Variants in UBR1 observed in about 807,000 individuals in gnomAD.
UBR1 encodes ubiquitin protein ligase E3 component n-recognin 1.
In UBR1, 102 loss-of-function variants were observed where a neutral mutation model predicts 242.1. The observed-to-expected ratio is 0.42, with a 90% CI of 0.36 to 0.50. The LOEUF is 0.50. Among genes scored for constraint, UBR1 ranks in the 20% least tolerant of loss-of-function variants. The pLI, the probability that UBR1 is intolerant of heterozygous loss-of-function variation, is 0.01. For synonymous variants in UBR1, 675 were observed against 684.8 expected, an observed-to-expected ratio of 0.99 and a Z score of 0.22; for missense variants, 1,772 against 2,101.8, an observed-to-expected ratio of 0.84 and a Z score of 3.07.
chr15:42,985,544 G>C (rs1344859611), intron 35 of UBR1, among the ~76,000 whole-genome samples: 2 of 151,944 alleles, frequency 1.3e-5, no homozygotes, highest in African/African-American at 4.8e-5. Context: ...GTAGAAACAG[G>C]GTTTCAGCAT....
chr15:43,006,779 A>C (rs1444217834), intron 30 of UBR1, among the ~76,000 whole-genome samples: 3 of 152,232 alleles, frequency 2.0e-5, no homozygotes, highest in African/African-American at 7.2e-5. Context: ...ACTATCATAA[A>C]AAAAGGAGGG....
chr15:43,099,739 T>TG (rs1358686770), intron 1 of UBR1, among the ~76,000 whole-genome samples: 1 of 152,092 alleles, frequency 6.6e-6, no homozygotes, highest in Admixed American at 6.6e-5. Flanking sequence ...CAAGCAACAG[T>TG]TCAGGCCTTC....
chr15:43,014,774 T>A (rs2032987409), intron 29 of UBR1, among the ~76,000 whole-genome samples: 1 of 145,556 alleles, frequency 6.9e-6, no homozygotes, highest in African/African-American at 2.7e-5. Flanking sequence ...AGCCACCCCG[T>A]CCGGGAGGGA....
intron 3 of UBR1, among the ~76,000 whole-genome samples, chr15:43,076,083 T>TCCTGCCTCAG (rs2033886924): frequency 2.0e-5 from 3 of 151,338 alleles, no homozygotes; most frequent in African/African-American, 7.3e-5. Flanking sequence ...CGCCTGATTC[T>TCCTGCCTCAG]CCTGCCTCAG....
intron 8 of UBR1, 98 bp downstream of exon 8, chr15:43,059,604 A>G (rs2033658687): frequency 9.4e-7 from 1 of 1,066,412 alleles, no homozygotes; most frequent in East Asian, 2.4e-5. Context: ...AAAAAAAAAA[A>G]GAAAAACTTT....
intron 44 of UBR1, among the ~76,000 whole-genome samples, chr15:42,956,469 A>C (rs1464793368): frequency 6.6e-6 from 1 of 152,026 alleles, no homozygotes; most frequent in African/African-American, 2.4e-5. Flanking sequence ...ACAGGTGCGC[A>C]CCACCACACC....
chr15:42,970,780 TG>T, intron 39 of UBR1, among the ~76,000 whole-genome samples, 173 bp from the exon 40 acceptor site: 1 of 152,126 alleles, frequency 6.6e-6, no homozygotes, highest in South Asian at 2.1e-4. Context: ...TGGAGAGCAA[TG>T]GTGCGATCTT....
intron 3 of UBR1, among the ~76,000 whole-genome samples, chr15:43,076,837 G>A (rs2033907636): frequency 9.5e-6 from 1 of 105,016 alleles, no homozygotes; most frequent in African/African-American, 3.4e-5. Context: ...GCCTCTGCCC[G>A]GCCGCCCCTA....
intron 27 of UBR1, among the ~76,000 whole-genome samples, chr15:43,017,978 G>C (rs1333941997): frequency 6.6e-6 from 1 of 150,876 alleles, no homozygotes; most frequent in Non-Finnish European, 1.5e-5. Context: ...TATCTTCGGA[G>C]ACATTTCGAC....
chr15:43,014,794 T>G (rs2032988243), intron 29 of UBR1, among the ~76,000 whole-genome samples: 2 of 135,456 alleles, frequency 1.5e-5, no homozygotes, highest in African/African-American at 2.9e-5. Context: ...AGGTGGGGGG[T>G]CAGCCCCTGC....
At chr15:43,086,527 T>C (rs2034038903) in intron 1 of UBR1, among the ~76,000 whole-genome samples, 1 of 152,092 alleles carries the variant, frequency 6.6e-6, no homozygotes, top group South Asian at 2.1e-4. Context: ...AAGGTGGTTC[T>C]ATTATCAGTC....
chr15:42,998,116 A>G, intron 33 of UBR1, 52 bp downstream of exon 33: 1 of 1,465,414 alleles, frequency 6.8e-7, no homozygotes, highest in Non-Finnish European at 9.4e-7. Flanking sequence ...TAAAAAAATA[A>G]AGATTCTGAC....
At position 42,978,026 on chromosome 15, in the gene UBR1, T is replaced by C. The variant is rs1181227734; in HGVS notation, c.4151-79A>G. 6.4e-6 allele frequency: 7 copies of C among 1,087,074 alleles called. No individual in the cohort carries two copies. The South Asian group carries it at 8.8e-5, about 14-fold the overall frequency. 67.3% of individuals were successfully genotyped at this position (1,087,074 alleles called of 1,614,324 possible). On this transcript the variant is annotated intron_variant, in intron 37 of 46. Transcript: ENST00000290650. The stretch of plus-strand genomic sequence containing the variant: ...AAATAAAATGCAAGCTAAAAACACC[T>C]AAACCAAACATATAACAGGGTTATA...
intron 30 of UBR1, among the ~76,000 whole-genome samples, chr15:43,006,119 A>G (rs2032825787): frequency 6.6e-6 from 1 of 150,898 alleles, no homozygotes; most frequent in Non-Finnish European, 1.5e-5. Flanking sequence ...AAAAAAAAAA[A>G]GAAAAGAAAA....
intron 1 of UBR1, among the ~76,000 whole-genome samples, chr15:43,091,659 C>G (rs2034106547): frequency 1.3e-5 from 2 of 151,928 alleles, no homozygotes; most frequent in Non-Finnish European, 2.9e-5. Flanking sequence ...AACATCATGG[C>G]TGGGCATGGT....
intron 21 of UBR1, among the ~76,000 whole-genome samples, chr15:43,028,410 T>C (rs1171488803): frequency 6.6e-6 from 1 of 152,102 alleles, no homozygotes; most frequent in Non-Finnish European, 1.5e-5. Context: ...GCTCACAGAT[T>C]CCTGTAGGCT....
intron 46 of UBR1, among the ~76,000 whole-genome samples, chr15:42,947,814 G>A (rs2031762817): frequency 1.3e-5 from 2 of 152,192 alleles, no homozygotes; most frequent in African/African-American, 4.8e-5. Context: ...AACATTCCAC[G>A]CTCATGGGTA....
intron 44 of UBR1, among the ~76,000 whole-genome samples, chr15:42,956,319 C>CT (rs1037382096): frequency 1.3e-5 from 2 of 151,740 alleles, no homozygotes; most frequent in Non-Finnish European, 2.9e-5. Context: ...CCTGAGGCAA[C>CT]TTTTTTTTTC....
chr15:43,070,769 T>C, intron 5 of UBR1, 26 bp downstream of exon 5: 1 of 1,611,642 alleles, frequency 6.2e-7, no homozygotes, highest in Non-Finnish European at 8.5e-7. Flanking sequence ...TCACTAAAAC[T>C]TGTTCCGTTT....
Sources: gnomAD v4.1 joint callset for allele counts (sites outside exome capture counted in the v4.1 genomes callset) on GRCh38, gnomAD v4.1.1 for gene constraint, MANE v1.5 for transcripts, NCBI Gene and HGNC (gene_info 2026-07-23, HGNC 2026-07-21) for gene names.